COL24A1: variants seen among roughly 807,000 people sequenced by gnomAD.
COL24A1 encodes collagen alpha-1(XXIV) chain.
Under a neutral mutation model 253.9 loss-of-function variants are expected in COL24A1, and 224 were observed. The observed-to-expected ratio is 0.88, with a 90% CI of 0.79 to 0.99. The LOEUF (loss-of-function observed/expected upper bound fraction) is 0.99. COL24A1 is among the 50% of genes least tolerant of loss of function. The probability of loss-of-function intolerance (pLI) is 0.00; values close to 1 mark genes in which losing one functional copy is unlikely to be tolerated. For synonymous variants in COL24A1, 685 were observed against 673.7 expected (o/e 1.02, Z -0.26); for missense variants, 2,131 against 2,068.5 (o/e 1.03, Z -0.59).
intron 2 of COL24A1, among the ~76,000 whole-genome samples, chr1:86,138,382 T>A (rs1351698999): frequency 6.6e-6 from 1 of 152,052 alleles, no homozygotes; most frequent in Non-Finnish European, 1.5e-5. Context: ...CTCTCTAACT[T>A]TATACTACCC....
chr1:85,872,534 C>T (rs1680644149), intron 35 of COL24A1, among the ~76,000 whole-genome samples: 1 of 152,112 alleles, frequency 6.6e-6, no homozygotes, highest in South Asian at 2.1e-4. Flanking sequence ...AATAACACCA[C>T]ATCTCTACAA....
chr1:85,852,668 A>G (rs771835469), intron 37 of COL24A1, among the ~76,000 whole-genome samples: 3 of 143,468 alleles, frequency 2.1e-5, no homozygotes, highest in Non-Finnish European at 4.7e-5. Flanking sequence ...TTTAATTGCA[A>G]AAATTTTCCA....
chr1:85,871,243 T>C (rs1571004891), intron 35 of COL24A1, among the ~76,000 whole-genome samples: 3 of 152,216 alleles, frequency 2.0e-5, no homozygotes, highest in East Asian at 1.9e-4. Flanking sequence ...ACCAGATGGA[T>C]TCACAGCCGA....
At position 85,744,806 on chromosome 1, in the gene COL24A1, A is replaced by G. The variant is rs557230190; in HGVS notation, c.4532T>C (p.Ile1511Thr). The change falls in exon 57 of 60, where the codon ATT (isoleucine) becomes ACT (threonine). Residue 1511 changes from isoleucine (I) to threonine (T), a missense_variant. Ile to Thr is a moderately conservative substitution (Grantham distance 89). Coordinates refer to ENST00000370571, the MANE Select transcript of COL24A1 (RefSeq NM_152890.7). ...TTTGAATATCTCTTCACTGTGGTCA[A>G]TTAAAGTCACTTCAGTATTCTGGTA... ...ESYQNTEVTLIDHSEEIFKTL... is the reference protein window; with the variant it reads ...ESYQNTEVTLTDHSEEIFKTL... 216 of 1,610,880 alleles carry G rather than the reference A, an allele frequency of 1.3e-4. 3 individuals are homozygous for G. In the South Asian group the frequency reaches 2.1e-3, roughly 16 times the overall value.
At chr1:85,779,601 ATTGCT>A in intron 52 of COL24A1, among the ~76,000 whole-genome samples, 3 of 152,264 alleles carry the variant, frequency 2.0e-5, no homozygotes, top group Non-Finnish European at 2.9e-5. Flanking sequence ...AAATTTTCTT[ATTGCT>A]AAAAGTACTT....
intron 45 of COL24A1, among the ~76,000 whole-genome samples, chr1:85,819,890 C>G (rs1210274870): frequency 6.6e-6 from 1 of 150,464 alleles, no homozygotes; most frequent in Non-Finnish European, 1.5e-5. Flanking sequence ...CTCTGTCACC[C>G]AGGTTGGAGT....
At chr1:85,956,432 A>G (rs918745078) in intron 24 of COL24A1, among the ~76,000 whole-genome samples, 2 of 152,172 alleles carry the variant, frequency 1.3e-5, no homozygotes, top group Non-Finnish European at 2.9e-5. Context: ...CTCTCTGCTC[A>G]TCGGTCATTT....
intron 12 of COL24A1, among the ~76,000 whole-genome samples, chr1:86,035,962 A>G (rs1046604519): frequency 6.6e-6 from 1 of 152,096 alleles, no homozygotes; most frequent in Non-Finnish European, 1.5e-5. Context: ...AAGAACTGTG[A>G]TCAGTTCTTC....
intron 53 of COL24A1, among the ~76,000 whole-genome samples, chr1:85,764,183 T>C (rs1301262991): frequency 3.9e-5 from 6 of 152,080 alleles, no homozygotes; most frequent in Admixed American, 3.9e-4. Context: ...TTTAGCAGCA[T>C]CCCTAGCTTC....
chr1:85,870,999 A>G (rs978044335), intron 35 of COL24A1, among the ~76,000 whole-genome samples: 8 of 152,172 alleles, frequency 5.3e-5, no homozygotes, highest in Non-Finnish European at 1.0e-4. Flanking sequence ...GATGCAATAA[A>G]AAATGATAAA....
At chr1:85,836,322 C>G (rs924614081) in intron 43 of COL24A1, among the ~76,000 whole-genome samples, 1 of 152,172 alleles carries the variant, frequency 6.6e-6, no homozygotes, top group Non-Finnish European at 1.5e-5. Flanking sequence ...CTCCCTTGCC[C>G]ACTAACAATG....
chr1:85,779,442 A>T (rs1456871619), intron 52 of COL24A1, among the ~76,000 whole-genome samples: 1 of 151,994 alleles, frequency 6.6e-6, no homozygotes, highest in African/African-American at 2.4e-5. Context: ...AGTTGTAGTC[A>T]TCTTGCTATA....
intron 47 of COL24A1, among the ~76,000 whole-genome samples, chr1:85,798,515 T>C (rs1420751059): frequency 6.6e-6 from 1 of 152,132 alleles, no homozygotes; most frequent in Admixed American, 6.5e-5. Context: ...TCCAAAATAC[T>C]GTGAAGAAAA....
intron 2 of COL24A1, among the ~76,000 whole-genome samples, chr1:86,129,219 A>T (rs909860172): frequency 6.6e-6 from 1 of 151,686 alleles, no homozygotes; most frequent in Admixed American, 6.6e-5. Context: ...TTTTACATGT[A>T]TTACCCAGAA....
intron 24 of COL24A1, among the ~76,000 whole-genome samples, chr1:85,955,227 G>T (rs1028555921): frequency 6.6e-6 from 1 of 152,182 alleles, no homozygotes; most frequent in Non-Finnish European, 1.5e-5. Context: ...TCCAGCCACT[G>T]GGTGGCCTGA....
chr1:85,785,942 A>G (rs1011204147), intron 48 of COL24A1, among the ~76,000 whole-genome samples: 7 of 152,224 alleles, frequency 4.6e-5, no homozygotes, highest in African/African-American at 1.2e-4. Context: ...TCTAAGAAAC[A>G]GTCTGTACGG....
chr1:86,013,234 C>G (rs921848815), intron 19 of COL24A1, among the ~76,000 whole-genome samples: 3 of 152,114 alleles, frequency 2.0e-5, no homozygotes, highest in African/African-American at 7.2e-5. Context: ...TTAACAAAAG[C>G]TATCATAGAA....
At chr1:86,057,023 T>C (rs1400157890) in intron 10 of COL24A1, among the ~76,000 whole-genome samples, 2 of 152,182 alleles carry the variant, frequency 1.3e-5, no homozygotes, top group Non-Finnish European at 2.9e-5. Context: ...GTTTGGATGT[T>C]TGTCCCCTCC....
At chr1:85,995,249 A>T (rs1694668927) in intron 19 of COL24A1, among the ~76,000 whole-genome samples, 1 of 151,230 alleles carries the variant, frequency 6.6e-6, no homozygotes, top group East Asian at 1.9e-4. Flanking sequence ...TCAGCTAATT[A>T]AAAAAATTTT....
Sources: allele counts gnomAD v4.1 joint callset (sites outside exome capture counted in the v4.1 genomes callset), GRCh38; gene constraint gnomAD v4.1.1; transcripts MANE v1.5; gene names NCBI Gene and HGNC (gene_info 2026-07-23, HGNC 2026-07-21).